CCDC158: variants seen among roughly 807,000 people sequenced by gnomAD.
CCDC158 encodes coiled-coil domain containing 158, also known as coiled-coil domain-containing protein 158.
CCDC158 carries 116 observed loss-of-function variants against 138.6 expected under a neutral mutation model. The ratio of observed to expected loss-of-function variants is 0.84; its 90% CI spans 0.72 to 0.98. The LOEUF (loss-of-function observed/expected upper bound fraction) is 0.98. Ranked by LOEUF, CCDC158 falls within the 50% of genes least tolerant of loss-of-function variation. The pLI, the probability that CCDC158 is intolerant of heterozygous loss-of-function variation, is 0.00. For synonymous variants in CCDC158, 436 were observed against 442.4 expected (o/e 0.99, Z 0.18); for missense variants, 1,265 against 1,306.1 (o/e 0.97, Z 0.48).
intron 3 of CCDC158, chr4:76,401,296 T>C (rs1334544660): frequency 4.1e-6 from 2 of 486,094 alleles, no homozygotes; most frequent in Non-Finnish European, 8.2e-6. Context: ...ATAAAAAGTG[T>C]GGCAAGCACC....
At chr4:76,338,931 C>G (rs138402854) in intron 18 of CCDC158, among the ~76,000 whole-genome samples, 8 of 152,178 alleles carry the variant, frequency 5.3e-5, no homozygotes, top group Admixed American at 6.5e-5. Context: ...GGCTCTAAGA[C>G]TGCCAACGAA....
At chr4:76,366,638 A>ACAC (rs34680628) in intron 12 of CCDC158, among the ~76,000 whole-genome samples, 14,365 of 147,856 alleles carry the variant, frequency 0.097, 860 homozygotes, top group Non-Finnish European at 0.13. Flanking sequence ...CACACACACA[A>ACAC]ACACACACAC....
At chr4:76,362,568 AATT>A (rs1473727239) in intron 12 of CCDC158, among the ~76,000 whole-genome samples, 2 of 152,216 alleles carry the variant, frequency 1.3e-5, no homozygotes, top group Admixed American at 1.3e-4. Context: ...CTTAGATGTC[AATT>A]CCTAGTATTG....
chr4:76,347,921 T>TA (rs537090422), intron 18 of CCDC158, among the ~76,000 whole-genome samples: 2 of 152,156 alleles, frequency 1.3e-5, no homozygotes, highest in Non-Finnish European at 2.9e-5. Context: ...GTTATTTTCT[T>TA]ACTCTGTTTG....
At chr4:76,384,708 A>C (rs1189705109) in intron 4 of CCDC158, 43 bp from the exon 5 acceptor site, 1 of 1,339,086 alleles carries the variant, frequency 7.5e-7, no homozygotes, top group Non-Finnish European at 1.1e-6. Context: ...TTAGAGAAAC[A>C]CATTTCCTTA....
At chr4:76,418,858 G>A (rs1729900563) in intron 1 of CCDC158, among the ~76,000 whole-genome samples, 1 of 152,142 alleles carries the variant, frequency 6.6e-6, no homozygotes. Context: ...AGCTGCCTGG[G>A]TCCCAGAAGT....
chr4:76,331,354 T>A lies in CCDC158; in HGVS notation c.2932A>T (p.Thr978Ser), dbSNP rs756577328. The A allele has an allele frequency of 4.3e-6, 7 of 1,613,682 alleles. No homozygotes were observed. Among genetic ancestry groups the A allele is most frequent in the Admixed American group, 3.3e-5 (2 of 59,992 alleles). Residue 978 changes from threonine to serine, a missense_variant, in exon 21 of 25, where the codon ACT becomes TCT. Transcript: ENST00000682701. The part of the protein sequence containing the change: ...DSTEGSKSSE[T>S]LSREPVTLHA... ...GCTGGTATTTCCTACCTACTAAGAG[T>A]TTCACTTGATTTGCTTCCTTCAGTG...
At chr4:76,364,243 A>C (rs17001806) in intron 12 of CCDC158, among the ~76,000 whole-genome samples, 4,052 of 152,232 alleles carry the variant, frequency 0.027, 176 homozygotes, top group African/African-American at 0.092. Context: ...TTGTTGATCA[A>C]ATCCTGCCCA....
chr4:76,360,065 G>C (rs1323983048), intron 13 of CCDC158, among the ~76,000 whole-genome samples: 2 of 152,352 alleles, frequency 1.3e-5, no homozygotes. Flanking sequence ...CTGCATTTCA[G>C]CTGCTCCAGT....
intron 9 of CCDC158, among the ~76,000 whole-genome samples, chr4:76,378,666 T>A (rs981000156): frequency 1.4e-5 from 2 of 143,658 alleles, no homozygotes; most frequent in African/African-American, 6.0e-5. Context: ...TTTAGGGTCT[T>A]ACTGTTTTAC....
intron 13 of CCDC158, among the ~76,000 whole-genome samples, chr4:76,361,617 C>A (rs910442660): frequency 2.0e-5 from 3 of 152,054 alleles, no homozygotes; most frequent in East Asian, 1.9e-4. Context: ...TACAGCAATG[C>A]GAGAAGGGAC....
intron 5 of CCDC158, 66 bp downstream of exon 5, chr4:76,384,490 T>A (rs1302174463): frequency 2.6e-6 from 4 of 1,560,372 alleles, no homozygotes; most frequent in Non-Finnish European, 8.7e-7. Context: ...CTACAAACAG[T>A]AAAACTTTAA....
chr4:76,338,330 C>G (rs1295225344), intron 18 of CCDC158, among the ~76,000 whole-genome samples: 1 of 152,040 alleles, frequency 6.6e-6, no homozygotes, highest in Non-Finnish European at 1.5e-5. Context: ...GCCAACATAG[C>G]AAAACCCCGT....
intron 18 of CCDC158, among the ~76,000 whole-genome samples, chr4:76,349,527 G>A (rs1171129008): frequency 6.6e-6 from 1 of 152,032 alleles, no homozygotes; most frequent in African/African-American, 2.4e-5. Flanking sequence ...AAATTAGCCA[G>A]GCGTGGTGGC....
At chr4:76,340,884 C>T (rs564491699) in intron 18 of CCDC158, among the ~76,000 whole-genome samples, 1 of 152,332 alleles carries the variant, frequency 6.6e-6, no homozygotes, top group African/African-American at 2.4e-5. Flanking sequence ...AAACTGGTCA[C>T]TGGTGCCAAA....
chr4:76,324,494 T>C (rs2110082748), intron 23 of CCDC158, among the ~76,000 whole-genome samples: 1 of 152,218 alleles, frequency 6.6e-6, no homozygotes. Context: ...GCCAGAAGTT[T>C]TTAACATAAA....
intron 19 of CCDC158, 93 bp downstream of exon 19, chr4:76,333,917 A>T: frequency 1.1e-6 from 1 of 900,846 alleles, no homozygotes; most frequent in Non-Finnish European, 1.6e-6. Flanking sequence ...AAAGTCATTT[A>T]AACCTCACCC....
chr4:76,355,187 C>G, intron 15 of CCDC158, 137 bp downstream of exon 15: 1 of 616,544 alleles, frequency 1.6e-6, no homozygotes, highest in Admixed American at 2.7e-5. Context: ...TTTCTAGGAA[C>G]TTTTCCCTTG....
chr4:76,396,932 CGCATGTG>C (rs1291754619), intron 3 of CCDC158, among the ~76,000 whole-genome samples: 3 of 152,124 alleles, frequency 2.0e-5, no homozygotes, highest in African/African-American at 7.2e-5. Flanking sequence ...GGGGAAAATA[CGCATGTG>C]AAAGGATAAA....
Sources: gnomAD v4.1 joint callset for allele counts (sites outside exome capture counted in the v4.1 genomes callset) on GRCh38, gnomAD v4.1.1 for gene constraint, MANE v1.5 for transcripts, NCBI Gene and HGNC (gene_info 2026-07-23, HGNC 2026-07-21) for gene names.